ANKRD44: variants seen among roughly 807,000 people sequenced by gnomAD.
The protein encoded by ANKRD44 is ankyrin repeat domain 44.
ANKRD44 carries 35 observed loss-of-function variants against 116.0 expected under a neutral mutation model. That is an observed-to-expected ratio of 0.30 (90% CI 0.23 to 0.40). ANKRD44 has a LOEUF of 0.40. Ranked by LOEUF, ANKRD44 falls within the 10% of genes least tolerant of loss-of-function variation. ANKRD44 has a pLI of 1.00. For synonymous variants in ANKRD44, 435 were observed against 461.8 expected (o/e 0.94, Z 0.74); for missense variants, 1,014 against 1,242.6 (o/e 0.82, Z 2.77).
chr2:197,177,795 C>G (rs1307338156), intron 2 of ANKRD44, among the ~76,000 whole-genome samples: 1 of 152,100 alleles, frequency 6.6e-6, no homozygotes, highest in Non-Finnish European at 1.5e-5. Flanking sequence ...CACATGATAT[C>G]TGCTGTTTAA....
chr2:197,197,529 G>C (rs2080979581), intron 1 of ANKRD44, among the ~76,000 whole-genome samples: 1 of 152,002 alleles, frequency 6.6e-6, no homozygotes, highest in African/African-American at 2.4e-5. Flanking sequence ...AGACACTGGA[G>C]GCCGGGCGCA....
intron 9 of ANKRD44, among the ~76,000 whole-genome samples, chr2:197,102,943 G>A (rs1192637361): frequency 1.3e-5 from 2 of 151,988 alleles, no homozygotes; most frequent in Non-Finnish European, 2.9e-5. Flanking sequence ...AAAAATTTGG[G>A]GGGTGGCGGG....
intron 1 of ANKRD44, among the ~76,000 whole-genome samples, chr2:197,255,300 C>T (rs2082419143): frequency 6.6e-6 from 1 of 152,164 alleles, no homozygotes; most frequent in African/African-American, 2.4e-5. Flanking sequence ...CATTTGGAAG[C>T]TCAGCTTCCT....
In ANKRD44 at chr2:197,011,605, T is replaced by C. The variant is rs1324436169; in HGVS notation, c.1924+1906A>G. On this transcript the variant is annotated intron_variant, in intron 18 of 27. Transcript: ENST00000282272. ...CTCCTGCTTCAGCCTCCCGAGTAGC[T>C]GGGACTACAGATGCACACTACCATG... 3.9e-5 allele frequency among the ~76,000 whole-genome samples: 6 copies of C among 151,994 alleles called. No homozygotes were observed. The East Asian group carries it at 9.6e-4, about 24-fold the overall frequency.
chr2:197,160,573 A>G (rs1052102887), intron 2 of ANKRD44, among the ~76,000 whole-genome samples: 3 of 152,156 alleles, frequency 2.0e-5, no homozygotes, highest in African/African-American at 7.2e-5. Flanking sequence ...AGCCTCTCTC[A>G]TACTCTAGAG....
intron 1 of ANKRD44, among the ~76,000 whole-genome samples, chr2:197,259,045 G>T (rs2082529402): frequency 6.6e-6 from 1 of 152,210 alleles, no homozygotes. Context: ...AAATCTTGCA[G>T]CCTAGACAGA....
At chr2:197,255,714 C>T (rs1441291965) in intron 1 of ANKRD44, among the ~76,000 whole-genome samples, 5 of 152,236 alleles carry the variant, frequency 3.3e-5, no homozygotes, top group Non-Finnish European at 7.3e-5. Flanking sequence ...TGGGTTTCCC[C>T]AGCCAGGCTG....
At chr2:197,066,929 A>C (rs1214144130) in intron 16 of ANKRD44, among the ~76,000 whole-genome samples, 1 of 152,204 alleles carries the variant, frequency 6.6e-6, no homozygotes, top group Non-Finnish European at 1.5e-5. Flanking sequence ...ATTGGTAAAA[A>C]CTACTTTAAA....
chr2:197,083,539 A>G (rs372008885), intron 13 of ANKRD44, 30 bp from the exon 14 acceptor site: 57 of 1,600,816 alleles, frequency 3.6e-5, no homozygotes, highest in Non-Finnish European at 4.9e-5. Flanking sequence ...TTATTACTCC[A>G]TTCAGTCTAG....
At chr2:197,074,991 T>G (rs1027982957) in intron 16 of ANKRD44, among the ~76,000 whole-genome samples, 1 of 152,104 alleles carries the variant, frequency 6.6e-6, no homozygotes, top group East Asian at 1.9e-4. Flanking sequence ...AGTAGGGGCA[T>G]TTGTCACCCC....
At chr2:197,025,384 A>C in intron 16 of ANKRD44, 117 bp from the exon 17 acceptor site, 1 of 692,758 alleles carries the variant, frequency 1.4e-6, no homozygotes, top group Non-Finnish European at 2.5e-6. Flanking sequence ...AGTAATATAA[A>C]AATATGATAT....
intron 1 of ANKRD44, 152 bp from the exon 2 acceptor site, chr2:197,187,258 A>G: frequency 1.4e-6 from 1 of 691,846 alleles, no homozygotes; most frequent in Non-Finnish European, 2.5e-6. Context: ...AACCCTTACA[A>G]GAAGTCCAGT....
rs745315250 is a variant in ANKRD44, at chr2:197,122,744, G to A, written c.599C>T (p.Thr200Ile). ...ALLINHGAEV[T>I]CKDKKGYTPL... ...GGTATAACCCTTCTTATCCTTACAGGTCACTTCTGCGCCATGGTTAATGAG... is the reference window on the plus strand; with the variant it reads ...GGTATAACCCTTCTTATCCTTACAGATCACTTCTGCGCCATGGTTAATGAG... The change falls in exon 7 of 28, where the codon ACC becomes ATC. Residue 200 changes from threonine (T) to isoleucine (I), a missense_variant. By Grantham distance (89) the Thr-to-Ile change is moderately conservative. Transcript: ENST00000282272. 1.2e-6 allele frequency: 2 copies of A among 1,614,036 alleles called. No individual in the cohort carries two copies. The highest frequency in any genetic ancestry group is 1.7e-6 in the Non-Finnish European group (2 of 1,180,024).
At chr2:196,985,539 A>C (rs1417138784), downstream of ANKRD44, among the ~76,000 whole-genome samples, 1 of 152,218 alleles carries the variant, frequency 6.6e-6, no homozygotes. Flanking sequence ...GCAGAAAAAA[A>C]CAAAACATTA....
chr2:197,258,571 C>G (rs530645907), intron 1 of ANKRD44, among the ~76,000 whole-genome samples: 92 of 152,192 alleles, frequency 6.0e-4, no homozygotes, highest in Non-Finnish European at 1.2e-3. Flanking sequence ...TATCTGTTCA[C>G]CTCTCTGCTT....
At chr2:197,198,482 G>GT (rs2081013394) in intron 1 of ANKRD44, among the ~76,000 whole-genome samples, 1 of 152,102 alleles carries the variant, frequency 6.6e-6, no homozygotes, top group African/African-American at 2.4e-5. Flanking sequence ...TCTTCTGGTG[G>GT]TAATATGTGA....
In ANKRD44 at chr2:197,212,808, A is replaced by T. The variant is rs947754538; in HGVS notation, c.28-25702T>A. On this transcript the variant is annotated intron_variant, in intron 1 of 27. Coordinates refer to ENST00000282272, the MANE Select transcript of ANKRD44 (RefSeq NM_001195144.2). The surrounding 1 kb of genome is among the most constrained non-coding windows in gnomAD (Gnocchi z 4.8). ...CGTACACACACAAACACACACTTCA[A>T]TCAGGAACTCGGTGATCACATGCCC... is the stretch of plus-strand genomic sequence containing the variant. 1.2e-4 allele frequency among the ~76,000 whole-genome samples: 18 copies of T among 152,186 alleles called. No homozygotes were observed. Among genetic ancestry groups the T allele is most frequent in the Non-Finnish European group, 1.0e-4 (7 of 68,022 alleles).
chr2:197,053,591 C>G (rs2077151870), intron 16 of ANKRD44, among the ~76,000 whole-genome samples: 1 of 152,136 alleles, frequency 6.6e-6, no homozygotes, highest in Non-Finnish European at 1.5e-5. Flanking sequence ...TCAAGTGATT[C>G]TCCTGCCTCA....
rs143727272 is a variant in ANKRD44, at chr2:197,220,047, T to A, written c.28-32941A>T. On this transcript the variant is annotated intron_variant, in intron 1 of 27. Coordinates refer to ENST00000282272, the MANE Select transcript of ANKRD44 (RefSeq NM_001195144.2). ...AGAATAATCAAGATCAATTTTTTCA[T>A]GTCAGCAGAAAACTCTATGCAAATT... 1.7e-3 allele frequency among the ~76,000 whole-genome samples: 254 copies of A among 152,330 alleles called. 1 individual carries two copies. Among genetic ancestry groups the A allele is most frequent in the African/African-American group, 5.9e-3 (247 of 41,576 alleles).
Sources: gnomAD v4.1 joint callset for allele counts (sites outside exome capture counted in the v4.1 genomes callset) on GRCh38, gnomAD v4.1.1 for gene constraint, Gnocchi (gnomAD v3.1) non-coding constraint, MANE v1.5 for transcripts, NCBI Gene and HGNC (gene_info 2026-07-23, HGNC 2026-07-21) for gene names.